MAP4: variants seen among roughly 807,000 people sequenced by gnomAD.
MAP4 encodes microtubule associated protein 4.
Under a neutral mutation model 170.2 loss-of-function variants are expected in MAP4, and 76 were observed. That is an observed-to-expected ratio of 0.45 (90% CI 0.37 to 0.54). MAP4 has a LOEUF of 0.54. Among genes scored for constraint, MAP4 ranks in the 20% least tolerant of loss-of-function variants. The probability of loss-of-function intolerance (pLI) is 0.00; values close to 1 mark genes in which losing one functional copy is unlikely to be tolerated. For synonymous variants in MAP4, 909 were observed against 994.5 expected, an observed-to-expected ratio of 0.91 and a Z score of 1.62; for missense variants, 2,506 against 2,748.0, an observed-to-expected ratio of 0.91 and a Z score of 1.97.
intron 1 of MAP4, among the ~76,000 whole-genome samples, chr3:48,010,268 T>A (rs1389194087): frequency 1.3e-5 from 2 of 152,206 alleles, no homozygotes; most frequent in Non-Finnish European, 2.9e-5. Flanking sequence ...TAGTCATCAA[T>A]ACCAGCTATG....
At chr3:48,002,921 T>A (rs1476516099) in intron 1 of MAP4, among the ~76,000 whole-genome samples, 1 of 149,636 alleles carries the variant, frequency 6.7e-6, no homozygotes, top group Non-Finnish European at 1.5e-5. Flanking sequence ...AAGTAAAAAA[T>A]AAATCACACT....
chr3:48,021,959 T>G (rs1230103108), intron 1 of MAP4, among the ~76,000 whole-genome samples: 1 of 152,090 alleles, frequency 6.6e-6, no homozygotes, highest in Non-Finnish European at 1.5e-5. Context: ...AAGAGGCCAA[T>G]GTACTTGGTG....
At chr3:47,934,078 T>C (rs774985188) in intron 3 of MAP4, among the ~76,000 whole-genome samples, 7 of 152,228 alleles carry the variant, frequency 4.6e-5, no homozygotes, top group Admixed American at 2.6e-4. Flanking sequence ...TTTTAAACAC[T>C]GCTGGAGAAG....
chr3:48,043,847 C>CT (rs199537058), intron 1 of MAP4, among the ~76,000 whole-genome samples: 34 of 150,308 alleles, frequency 2.3e-4, no homozygotes, highest in African/African-American at 2.4e-4. Context: ...GCTCTGTAAT[C>CT]TTTTTTTTTT....
intron 4 of MAP4, among the ~76,000 whole-genome samples, chr3:47,922,821 G>A (rs774580246): frequency 5.9e-5 from 9 of 152,150 alleles, no homozygotes; most frequent in South Asian, 2.1e-4. Context: ...AGGCCAAGGC[G>A]GGCGGATCAC....
At chr3:47,903,406 G>A (rs1024289044) in intron 9 of MAP4, among the ~76,000 whole-genome samples, 3 of 152,044 alleles carry the variant, frequency 2.0e-5, no homozygotes, top group African/African-American at 4.8e-5. Context: ...AGTGGTGGGC[G>A]CCTGTAGTCC....
chr3:48,075,198 G>A (rs1228263284), intron 1 of MAP4, among the ~76,000 whole-genome samples: 1 of 152,130 alleles, frequency 6.6e-6, no homozygotes, highest in East Asian at 1.9e-4. Context: ...CAAGCATGAT[G>A]GTACTGGCAT....
chr3:47,923,696 G>A (rs2100044254), intron 4 of MAP4, among the ~76,000 whole-genome samples: 2 of 151,398 alleles, frequency 1.3e-5, no homozygotes, highest in East Asian at 1.9e-4. Context: ...CATGCCTGCA[G>A]TCCCAGCTAC....
intron 1 of MAP4, among the ~76,000 whole-genome samples, chr3:48,088,257 A>AG (rs1476312203): frequency 2.7e-5 from 4 of 150,552 alleles, no homozygotes; most frequent in Non-Finnish European, 5.9e-5. Context: ...GGCCTTTGCA[A>AG]GGGGGAAGAG....
At chr3:47,894,108 T>C (rs1007954780) in intron 10 of MAP4, among the ~76,000 whole-genome samples, 1 of 151,966 alleles carries the variant, frequency 6.6e-6, no homozygotes, top group Middle Eastern at 3.2e-3. Context: ...GAGCCTCATA[T>C]ACATTTCTTC....
intron 1 of MAP4, among the ~76,000 whole-genome samples, chr3:48,045,555 C>G (rs994526833): frequency 6.6e-6 from 1 of 152,108 alleles, no homozygotes; most frequent in Non-Finnish European, 1.5e-5. Flanking sequence ...CATCCCCTCC[C>G]CCAGCGTCCC....
At chr3:47,892,068 TTTTG>T in intron 10 of MAP4, 1 of 1,536,028 alleles carries the variant, frequency 6.5e-7, no homozygotes, top group Non-Finnish European at 8.7e-7. Flanking sequence ...ACTGGAATGG[TTTTG>T]TTTTTGTCTG....
chr3:47,955,044 G>T (rs1254904444), intron 3 of MAP4, among the ~76,000 whole-genome samples: 3 of 152,136 alleles, frequency 2.0e-5, no homozygotes, highest in Non-Finnish European at 4.4e-5. Context: ...CAAAAGACTT[G>T]AAAGAAACAG....
intron 1 of MAP4, among the ~76,000 whole-genome samples, chr3:48,025,034 C>T (rs1238075151): frequency 6.6e-6 from 1 of 151,794 alleles, no homozygotes; most frequent in Non-Finnish European, 1.5e-5. Context: ...CTTACTGCAG[C>T]CTCGACCTCC....
At chr3:47,898,500 CAAAA>C (rs879856052) in intron 10 of MAP4, among the ~76,000 whole-genome samples, 1 of 81,142 alleles carries the variant, frequency 1.2e-5, no homozygotes. Context: ...GACTCCGCCT[CAAAA>C]AAAAAAAAAA....
chr3:47,900,667 TGGA>T (rs981331547), intron 10 of MAP4, among the ~76,000 whole-genome samples: 1 of 151,862 alleles, frequency 6.6e-6, no homozygotes, highest in African/African-American at 2.4e-5. Context: ...ACCTGGGAGG[TGGA>T]GATTACAGTG....
At position 47,998,878 on chromosome 3, in the gene MAP4, G is replaced by A. The variant is rs1188927655; in HGVS notation, c.-18C>T. On this transcript the variant is annotated splice_region_variant and 5_prime_UTR_variant, in exon 2 of 21. Coordinates refer to ENST00000683076, the MANE Select transcript of MAP4 (RefSeq NM_001385682.1). Reference sequence around the variant, plus strand: ...TCAGCCATTCTGCACCACTGCAACTGCCTGGTGAAGAGGAAAAAGATCTTT... The same window carrying A: ...TCAGCCATTCTGCACCACTGCAACTACCTGGTGAAGAGGAAAAAGATCTTT... The A allele has an allele frequency of 2.6e-6, 4 of 1,535,902 alleles. No homozygotes were observed. Among genetic ancestry groups the A allele is most frequent in the African/African-American group, 1.4e-5 (1 of 73,392 alleles).
intron 3 of MAP4, among the ~76,000 whole-genome samples, chr3:47,949,659 T>C (rs995950201): frequency 6.6e-6 from 1 of 152,148 alleles, no homozygotes; most frequent in African/African-American, 2.4e-5. Flanking sequence ...ATATTAGTTA[T>C]CAATTTATTG....
chr3:47,866,648 G>A (rs914761338), intron 17 of MAP4, among the ~76,000 whole-genome samples: 5 of 151,998 alleles, frequency 3.3e-5, no homozygotes, highest in Admixed American at 2.6e-4. Flanking sequence ...CGGCTACTCG[G>A]GAGGCTGAGG....
Sources: gnomAD v4.1 joint callset for allele counts (sites outside exome capture counted in the v4.1 genomes callset) on GRCh38, gnomAD v4.1.1 for gene constraint, MANE v1.5 for transcripts, NCBI Gene and HGNC (gene_info 2026-07-23, HGNC 2026-07-21) for gene names.